Variants in MGAT4C observed in about 807,000 individuals in gnomAD.
MGAT4C encodes the protein alpha-1,3-mannosyl-glycoprotein 4-beta-N-acetylglucosaminyltransferase C.
A neutral mutation model predicts 40.1 loss-of-function variants in MGAT4C; 19 were observed. The ratio of observed to expected loss-of-function variants is 0.47; its 90% CI spans 0.33 to 0.70. The LOEUF is 0.70. Among genes scored for constraint, MGAT4C ranks in the 30% least tolerant of loss-of-function variants. The pLI is 0.02. For synonymous variants in MGAT4C, 181 were observed against 187.1 expected, an observed-to-expected ratio of 0.97 and a Z score of 0.27; for missense variants, 491 against 563.2, an observed-to-expected ratio of 0.87 and a Z score of 1.30.
intron 2 of MGAT4C, among the ~76,000 whole-genome samples, chr12:86,473,049 A>T (rs1212640148): frequency 6.6e-6 from 1 of 152,032 alleles, no homozygotes; most frequent in Non-Finnish European, 1.5e-5. Flanking sequence ...TCCGCCTCCC[A>T]GGTTGAAGCA....
chr12:86,125,266 A>G (rs915806234), intron 1 of MGAT4C, among the ~76,000 whole-genome samples: 1 of 152,230 alleles, frequency 6.6e-6, no homozygotes, highest in Non-Finnish European at 1.5e-5. Context: ...TACTCCATGT[A>G]CACTAGACAT....
At chr12:86,052,272 AAAAG>A (rs1892969717) in intron 1 of MGAT4C, among the ~76,000 whole-genome samples, 1 of 151,830 alleles carries the variant, frequency 6.6e-6, no homozygotes, top group African/African-American at 2.4e-5. Flanking sequence ...TTCATTAAAA[AAAAG>A]AAAGGTAAGT....
chr12:86,782,167 T>C (rs1483062660), intron 1 of MGAT4C, among the ~76,000 whole-genome samples: 2 of 137,788 alleles, frequency 1.5e-5, no homozygotes, highest in Non-Finnish European at 3.1e-5. Flanking sequence ...TAAATGTTTT[T>C]TGTATTTTTT....
intron 2 of MGAT4C, among the ~76,000 whole-genome samples, chr12:86,673,293 T>G (rs1490689496): frequency 6.6e-6 from 1 of 152,198 alleles, no homozygotes; most frequent in South Asian, 2.1e-4. Flanking sequence ...TAGGGTAACT[T>G]TGAGTTAAGC....
At chr12:86,013,306 T>A (rs1888704479) in intron 2 of MGAT4C, among the ~76,000 whole-genome samples, 1 of 152,142 alleles carries the variant, frequency 6.6e-6, no homozygotes, top group African/African-American at 2.4e-5. Flanking sequence ...CAGGCTGGAG[T>A]GCAGTGGCGC....
intron 3 of MGAT4C, among the ~76,000 whole-genome samples, chr12:86,368,097 T>G (rs2136208908): frequency 6.6e-6 from 1 of 152,308 alleles, no homozygotes; most frequent in African/African-American, 2.4e-5. Context: ...AGTTGTGTTC[T>G]TTGTCTTAGA....
At chr12:86,065,458 C>A (rs572842566) in intron 1 of MGAT4C, among the ~76,000 whole-genome samples, 1 of 152,226 alleles carries the variant, frequency 6.6e-6, no homozygotes, top group East Asian at 1.9e-4. Flanking sequence ...ATGACAAAAA[C>A]CACATGATTA....
intron 1 of MGAT4C, among the ~76,000 whole-genome samples, chr12:86,795,283 A>G (rs1342808630): frequency 6.6e-6 from 1 of 151,940 alleles, no homozygotes; most frequent in Non-Finnish European, 1.5e-5. Context: ...ATTAAGAAAG[A>G]GTGGAGAAAA....
intron 3 of MGAT4C, among the ~76,000 whole-genome samples, chr12:86,366,041 AT>A (rs1189328176): frequency 5.9e-5 from 9 of 152,000 alleles, no homozygotes; most frequent in Middle Eastern, 3.4e-3. Flanking sequence ...TTTTCCATTT[AT>A]TTTTTTCATC....
intron 2 of MGAT4C, among the ~76,000 whole-genome samples, chr12:86,571,458 A>G (rs911265969): frequency 5.9e-5 from 9 of 152,288 alleles, no homozygotes; most frequent in Non-Finnish European, 1.0e-4. Context: ...TAAAATATGC[A>G]TTAAAGAAAA....
chr12:86,086,380 C>T (rs1871845929), intron 1 of MGAT4C, among the ~76,000 whole-genome samples: 3 of 151,884 alleles, frequency 2.0e-5, no homozygotes, highest in Admixed American at 6.6e-5. Context: ...CACACCGGGG[C>T]CTTTTGCGGG....
chr12:86,318,443 T>C (rs949237492), intron 4 of MGAT4C, among the ~76,000 whole-genome samples: 1 of 152,202 alleles, frequency 6.6e-6, no homozygotes, highest in Non-Finnish European at 1.5e-5. Context: ...TCTGGAAGTG[T>C]TGGTGCTGGC....
chr12:86,702,865 G>C (rs953114118), intron 2 of MGAT4C, among the ~76,000 whole-genome samples: 8 of 152,122 alleles, frequency 5.3e-5, no homozygotes, highest in Admixed American at 6.6e-5. Flanking sequence ...ATCTTCTATA[G>C]AGAGAGAATC....
intron 1 of MGAT4C, among the ~76,000 whole-genome samples, chr12:86,801,452 T>C (rs761961151): frequency 3.9e-5 from 6 of 151,970 alleles, no homozygotes; most frequent in South Asian, 2.1e-4. Flanking sequence ...AAAGCAGATA[T>C]ATAGACATAT....
upstream of MGAT4C, among the ~76,000 whole-genome samples, chr12:86,258,507 C>A (rs527774654): frequency 1.3e-5 from 2 of 151,992 alleles, no homozygotes; most frequent in African/African-American, 4.8e-5. Context: ...TCCTAGGGCT[C>A]TGCAGGCATT....
intron 2 of MGAT4C, among the ~76,000 whole-genome samples, chr12:86,680,008 A>C (rs554100242): frequency 6.6e-6 from 1 of 152,048 alleles, no homozygotes; most frequent in East Asian, 2.0e-4. Flanking sequence ...CACTGATCAC[A>C]CAGGTCTTCC....
chr12:86,823,228 GAACA>G (rs1316346072), intron 1 of MGAT4C, among the ~76,000 whole-genome samples: 3 of 144,706 alleles, frequency 2.1e-5, no homozygotes, highest in African/African-American at 7.6e-5. Context: ...GAACAAAAAA[GAACA>G]AACAAAGCCC....
intron 1 of MGAT4C, among the ~76,000 whole-genome samples, chr12:86,109,328 T>C (rs1212323988): frequency 6.6e-6 from 1 of 152,130 alleles, no homozygotes; most frequent in Non-Finnish European, 1.5e-5. Context: ...TAAATTAATA[T>C]AGTCTTTTCA....
intron 1 of MGAT4C, among the ~76,000 whole-genome samples, chr12:86,814,304 ATATATATACGTATATATACATATACG>A (rs1566009062): frequency 2.1e-4 from 1 of 4,778 alleles, no homozygotes; most frequent in Non-Finnish European, 3.0e-4. Context: ...ACATATACGT[ATATATATACGTATATATACATATACG>A]TATATATATA....
Sources: allele counts gnomAD v4.1 joint callset (sites outside exome capture counted in the v4.1 genomes callset), GRCh38; gene constraint gnomAD v4.1.1; transcripts MANE v1.5; gene names NCBI Gene and HGNC (gene_info 2026-07-23, HGNC 2026-07-21).